The following ADGRL3 variants were observed in gnomAD, a reference collection of about 807,000 sequenced individuals.
The protein encoded by ADGRL3 is adhesion G protein-coupled receptor L3.
Under a neutral mutation model 153.5 loss-of-function variants are expected in ADGRL3, and 62 were observed. The ratio of observed to expected loss-of-function variants is 0.40; its 90% confidence interval spans 0.33 to 0.50. The LOEUF (loss-of-function observed/expected upper bound fraction) is 0.50. Among genes scored for constraint, ADGRL3 ranks in the 20% least tolerant of loss-of-function variants. ADGRL3 has a pLI of 0.47. For synonymous variants in ADGRL3, 710 were observed against 672.5 expected (o/e 1.06, Z -0.86); for missense variants, 1,641 against 1,859.4 (o/e 0.88, Z 2.16).
intron 9 of ADGRL3, among the ~76,000 whole-genome samples, chr4:61,845,968 T>G (rs2098112182): frequency 6.6e-6 from 1 of 152,180 alleles, no homozygotes; most frequent in Admixed American, 6.5e-5. Flanking sequence ...AACATTCTGT[T>G]ATCAGCAATT....
At chr4:61,563,923 G>A (rs1375622580) in intron 4 of ADGRL3, among the ~76,000 whole-genome samples, 1 of 152,024 alleles carries the variant, frequency 6.6e-6, no homozygotes, top group Non-Finnish European at 1.5e-5. Flanking sequence ...CAGGAGAATC[G>A]ATTGAACTGG....
chr4:61,829,133 C>T lies in ADGRL3; in HGVS notation c.1480+15244C>T, dbSNP rs185585913. Among the ~76,000 whole-genome samples, 13 of 152,322 alleles carry T rather than the reference C, an allele frequency of 8.5e-5. No homozygotes were observed. The East Asian group carries it at 2.3e-3, about 27-fold the overall frequency. On this transcript the variant is annotated intron_variant, in intron 9 of 26. Coordinates refer to ENST00000683033, the MANE Select transcript of ADGRL3 (RefSeq NM_001387552.1). ...TGATTTGTATAGCCTATCACTATCA[C>T]ACCTGGTGCAGGGACAATAAATGGG...
chr4:61,469,122 T>C (rs2097916546), intron 2 of ADGRL3, among the ~76,000 whole-genome samples: 1 of 152,054 alleles, frequency 6.6e-6, no homozygotes, highest in Non-Finnish European at 1.5e-5. Flanking sequence ...AATTGACTCC[T>C]ACTCAGTCCT....
At chr4:61,915,738 G>A (rs1053266189) in intron 13 of ADGRL3, among the ~76,000 whole-genome samples, 2 of 152,108 alleles carry the variant, frequency 1.3e-5, no homozygotes, top group African/African-American at 4.8e-5. Context: ...TGAAATTCCA[G>A]AGTGAATAAT....
chr4:61,965,908 T>C (rs2099004870), intron 17 of ADGRL3, among the ~76,000 whole-genome samples: 1 of 152,244 alleles, frequency 6.6e-6, no homozygotes, highest in Admixed American at 6.5e-5. Context: ...AGTTACTGGC[T>C]AATTTAAAAA....
At chr4:61,338,500 T>G (rs938337735) in intron 1 of ADGRL3, among the ~76,000 whole-genome samples, 1 of 152,010 alleles carries the variant, frequency 6.6e-6, no homozygotes, top group Non-Finnish European at 1.5e-5. Flanking sequence ...AACATTTAAT[T>G]TCTGTGCAAA....
intron 1 of ADGRL3, among the ~76,000 whole-genome samples, chr4:61,254,312 A>G (rs1198296109): frequency 6.6e-6 from 1 of 152,172 alleles, no homozygotes; most frequent in Non-Finnish European, 1.5e-5. Flanking sequence ...GGTAGGTGTC[A>G]TTAATGAGTT....
chr4:61,346,781 CAAAAAAAAAAAAA>C (rs748059859), intron 1 of ADGRL3, among the ~76,000 whole-genome samples: 1 of 44,738 alleles, frequency 2.2e-5, no homozygotes, highest in Admixed American at 2.4e-4. Context: ...AGACCTGTCT[CAAAAAAAAAAAAA>C]AAAAAAAAGC....
chr4:61,672,982 A>G (rs2095058480), intron 5 of ADGRL3, among the ~76,000 whole-genome samples: 1 of 151,990 alleles, frequency 6.6e-6, no homozygotes, highest in Admixed American at 6.6e-5. Flanking sequence ...TAAATATATA[A>G]TGGAATATTA....
intron 2 of ADGRL3, among the ~76,000 whole-genome samples, chr4:61,396,751 CT>C (rs904925409): frequency 2.4e-4 from 36 of 151,794 alleles, no homozygotes; most frequent in Middle Eastern, 3.4e-3. Flanking sequence ...TATAAATCTA[CT>C]TTTTTTTCCA....
intron 21 of ADGRL3, among the ~76,000 whole-genome samples, chr4:62,012,078 T>C (rs1182974659): frequency 6.6e-6 from 1 of 152,158 alleles, no homozygotes; most frequent in Non-Finnish European, 1.5e-5. Flanking sequence ...AAAAATTTGT[T>C]GTGAGAGAGC....
At chr4:61,759,788 T>G (rs776390891) in intron 8 of ADGRL3, among the ~76,000 whole-genome samples, 2 of 152,224 alleles carry the variant, frequency 1.3e-5, no homozygotes, top group Non-Finnish European at 2.9e-5. Flanking sequence ...TGTTTTTTCC[T>G]CATCTTTGTG....
chr4:61,969,315 A>G (rs2099018337), intron 17 of ADGRL3, among the ~76,000 whole-genome samples: 1 of 150,462 alleles, frequency 6.6e-6, no homozygotes, highest in Non-Finnish European at 1.5e-5. Flanking sequence ...GAGATAAAAA[A>G]TGGTTTTGAT....
chr4:61,608,227 A>G (rs1416854717), intron 5 of ADGRL3, among the ~76,000 whole-genome samples: 1 of 152,112 alleles, frequency 6.6e-6, no homozygotes, highest in East Asian at 1.9e-4. Context: ...CATACTCCCA[A>G]TCTTGTTCCA....
intron 4 of ADGRL3, among the ~76,000 whole-genome samples, chr4:61,534,704 T>G (rs1441561002): frequency 6.6e-6 from 1 of 152,124 alleles, no homozygotes; most frequent in Non-Finnish European, 1.5e-5. Context: ...TGTGTGGATA[T>G]TTTAAATGGG....
chr4:61,424,927 G>A (rs2097258332), intron 2 of ADGRL3, among the ~76,000 whole-genome samples: 1 of 152,142 alleles, frequency 6.6e-6, no homozygotes, highest in South Asian at 2.1e-4. Context: ...TGGGCATCTA[G>A]GCAATGTGGG....
chr4:61,907,852 C>A (rs2098703529), intron 11 of ADGRL3, among the ~76,000 whole-genome samples: 1 of 152,090 alleles, frequency 6.6e-6, no homozygotes, highest in African/African-American at 2.4e-5. Context: ...CTAATTTGTT[C>A]CCTTAACCAT....
intron 9 of ADGRL3, among the ~76,000 whole-genome samples, chr4:61,844,478 C>T (rs576160294): frequency 1.2e-4 from 16 of 130,314 alleles, no homozygotes; most frequent in Non-Finnish European, 1.9e-4. Flanking sequence ...ACCCAGGAGG[C>T]GGAGGTTCCA....
At chr4:61,976,688 A>T (rs2150755939) in intron 17 of ADGRL3, among the ~76,000 whole-genome samples, 1 of 152,214 alleles carries the variant, frequency 6.6e-6, no homozygotes, top group Middle Eastern at 3.4e-3. Flanking sequence ...TATAAATGGG[A>T]GTTCCCCTGC....
Sources: allele counts gnomAD v4.1 joint callset (sites outside exome capture counted in the v4.1 genomes callset), GRCh38; gene constraint gnomAD v4.1.1; transcripts MANE v1.5; gene names NCBI Gene and HGNC (gene_info 2026-07-23, HGNC 2026-07-21).